Variants in QTGAL observed in about 807,000 individuals in gnomAD.
The protein encoded by QTGAL is BGnT-like protein 1.
chr17:82,965,762 G>T, the QTGAL span: 1 of 1,598,338 alleles, frequency 6.3e-7, no homozygotes, highest in South Asian at 1.1e-5. Context: ...AGCAATTAAC[G>T]TTGACAGAGT....
the QTGAL span, among the ~76,000 whole-genome samples, chr17:82,950,224 G>C: frequency 2.0e-5 from 3 of 152,242 alleles, no homozygotes; most frequent in East Asian, 5.8e-4. Flanking sequence ...GCAGGACAAG[G>C]AGGAACCTCT....
chr17:82,950,450 T>A, the QTGAL span, among the ~76,000 whole-genome samples: 2 of 152,044 alleles, frequency 1.3e-5, no homozygotes, highest in Admixed American at 6.5e-5. Flanking sequence ...GAGAAGTAGA[T>A]CCTGAAGAGG....
chr17:82,971,625 G>C, the QTGAL span, among the ~76,000 whole-genome samples: 1 of 145,824 alleles, frequency 6.9e-6, no homozygotes, highest in African/African-American at 2.5e-5. Context: ...ACACCACAGG[G>C]GCCAGAAGGA....
At chr17:83,026,834 G>T in the QTGAL span, among the ~76,000 whole-genome samples, 6 of 121,576 alleles carry the variant, frequency 4.9e-5, no homozygotes, top group African/African-American at 1.0e-4. Context: ...GGAGCCTGCA[G>T]ACAAACCCAC....
chr17:82,972,622 T>TGGTGCCCACCACACCAC, the QTGAL span, among the ~76,000 whole-genome samples: 1 of 70,490 alleles, frequency 1.4e-5, no homozygotes, highest in African/African-American at 8.0e-5. Flanking sequence ...CACCACACCA[T>TGGTGCCCACCACACCAC]GGGCCAGAAG....
chr17:83,031,447 G>GGGGGAAGGGTGTAAA, the QTGAL span, among the ~76,000 whole-genome samples: 1 of 147,862 alleles, frequency 6.8e-6, no homozygotes, highest in African/African-American at 2.7e-5. Flanking sequence ...ACGTTTTCCA[G>GGGGGAAGGGTGTAAA]CGGGGAAGGG....
the QTGAL span, among the ~76,000 whole-genome samples, chr17:83,039,638 G>A: frequency 4.4e-4 from 43 of 96,980 alleles, 5 homozygotes; most frequent in African/African-American, 1.3e-3. Flanking sequence ...CCCGCTGCCC[G>A]CCCCTGTTCT....
the QTGAL span, among the ~76,000 whole-genome samples, chr17:83,051,555 C>T: frequency 3.3e-5 from 5 of 152,172 alleles, no homozygotes; most frequent in Admixed American, 6.5e-5. Flanking sequence ...CCGAGCGTCC[C>T]CCGCACGCGC....
the QTGAL span, among the ~76,000 whole-genome samples, chr17:83,008,243 C>T: frequency 6.6e-6 from 1 of 152,222 alleles, no homozygotes; most frequent in Non-Finnish European, 1.5e-5. Flanking sequence ...GGCTAACTTT[C>T]TCCAGGTTCC....
chr17:82,981,284 A>T, the QTGAL span: 40,960 of 152,136 alleles, frequency 0.27, 5,769 homozygotes, highest in East Asian at 0.37. Context: ...GGACTCCCCC[A>T]AAACTTAAGC....
the QTGAL span, among the ~76,000 whole-genome samples, chr17:82,962,648 C>T: frequency 6.8e-6 from 1 of 147,766 alleles, no homozygotes; most frequent in African/African-American, 2.5e-5. Flanking sequence ...TGCTGGTGGA[C>T]ACGGACCCTC....
chr17:83,005,785 C>A, the QTGAL span: 1 of 997,996 alleles, frequency 1.0e-6, no homozygotes, highest in Admixed American at 2.6e-5. The surrounding 1 kb of genome is among the most constrained non-coding windows in gnomAD (Gnocchi z 5.6). Flanking sequence ...GTAGCCTTGA[C>A]CCCCTCCCGG....
chr17:82,965,648 T>C, the QTGAL span: 2 of 1,604,828 alleles, frequency 1.2e-6, no homozygotes, highest in African/African-American at 1.3e-5. Flanking sequence ...CTTCGGCCCT[T>C]ACCTGACCTC....
chr17:83,048,788 G>A, the QTGAL span: 7 of 1,608,092 alleles, frequency 4.4e-6, no homozygotes, highest in Middle Eastern at 3.3e-4. Context: ...ATAATAGACT[G>A]GAATTCAAAA....
the QTGAL span, among the ~76,000 whole-genome samples, chr17:83,000,525 C>T: frequency 6.6e-6 from 1 of 152,088 alleles, no homozygotes; most frequent in South Asian, 2.1e-4. Flanking sequence ...TGTTTGTATG[C>T]ATGTTAAGTT....
the QTGAL span, chr17:83,051,737 C>G: frequency 6.7e-7 from 1 of 1,495,790 alleles, no homozygotes; most frequent in South Asian, 1.3e-5. Context: ...TGGCACCTAC[C>G]ACGTGGGCCT....
At chr17:82,969,477 G>A in the QTGAL span, among the ~76,000 whole-genome samples, 23 of 152,088 alleles carry the variant, frequency 1.5e-4, 1 homozygote, top group Non-Finnish European at 3.4e-4. Context: ...CCAAAGTGCT[G>A]GGATTACAGG....
chr17:82,953,508 T>C, the QTGAL span, among the ~76,000 whole-genome samples: 4,824 of 152,166 alleles, frequency 0.032, 96 homozygotes, highest in South Asian at 0.1. Context: ...GTTCTGAAAT[T>C]GAGGCAGTAA....
chr17:82,987,515 A>G, the QTGAL span, among the ~76,000 whole-genome samples: 4 of 152,252 alleles, frequency 2.6e-5, no homozygotes, highest in African/African-American at 9.6e-5. Context: ...AGCTCCTGTC[A>G]TCTGAAATAT....
Sources: allele counts gnomAD v4.1 joint callset (sites outside exome capture counted in the v4.1 genomes callset), GRCh38; gene constraint gnomAD v4.1.1; non-coding constraint Gnocchi (gnomAD v3.1); transcripts MANE v1.5; gene names NCBI Gene and HGNC (gene_info 2026-07-23, HGNC 2026-07-21).